Variants in KLF8 observed in about 807,000 individuals in gnomAD.
The protein encoded by KLF8 is Krueppel-like factor 8.
KLF8 carries 10 observed loss-of-function variants against 18.2 expected under a neutral mutation model. That is an observed-to-expected ratio of 0.55 (90% CI 0.34 to 0.93). The LOEUF (loss-of-function observed/expected upper bound fraction) is 0.93, where lower values mean the gene tolerates loss of function less well. Ranked by LOEUF, KLF8 falls within the 40% of genes least tolerant of loss-of-function variation. The probability of loss-of-function intolerance (pLI) is 0.02; values close to 1 mark genes in which losing one functional copy is unlikely to be tolerated. For synonymous variants in KLF8, 109 were observed against 97.3 expected, an observed-to-expected ratio of 1.12 and a Z score of -0.71; for missense variants, 264 against 277.9, an observed-to-expected ratio of 0.95 and a Z score of 0.36.
chrX:55,987,578 A>G, the KLF8 span, among the ~76,000 whole-genome samples: 54 of 111,859 alleles, frequency 4.8e-4, no homozygotes, highest in Middle Eastern at 9.2e-3. Context: ...TATGTGCCAC[A>G]TTTTCTTAAT....
chrX:55,938,996 A>G, the KLF8 span, among the ~76,000 whole-genome samples: 3 of 111,993 alleles, frequency 2.7e-5, no homozygotes, highest in Non-Finnish European at 5.6e-5. Flanking sequence ...GATGTCTAGG[A>G]AATGAACTCA....
the KLF8 span, among the ~76,000 whole-genome samples, chrX:56,213,889 G>C: frequency 9.0e-6 from 1 of 111,252 alleles, no homozygotes; most frequent in Admixed American, 9.5e-5. Flanking sequence ...TGGCATCCAG[G>C]AAAAATCAGG....
At chrX:56,048,804 G>A in the KLF8 span, among the ~76,000 whole-genome samples, 5 of 111,800 alleles carry the variant, frequency 4.5e-5, no homozygotes, top group Non-Finnish European at 9.4e-5. Flanking sequence ...ATTCTGTGAA[G>A]AAAGTCATTG....
the KLF8 span, among the ~76,000 whole-genome samples, chrX:56,039,042 C>T: frequency 9.0e-6 from 1 of 111,571 alleles, no homozygotes; most frequent in African/African-American, 3.3e-5. Flanking sequence ...GTTTATTGCC[C>T]ACTTTTTAAT....
the KLF8 span, among the ~76,000 whole-genome samples, chrX:55,979,980 G>T: frequency 8.9e-6 from 1 of 111,788 alleles, no homozygotes; most frequent in East Asian, 2.8e-4. Flanking sequence ...CACCAGAAAG[G>T]GCTATTTAGA....
chrX:56,079,650 T>C, the KLF8 span, among the ~76,000 whole-genome samples: 1 of 111,879 alleles, frequency 8.9e-6, no homozygotes. Flanking sequence ...TGTAGATGTC[T>C]ATTAGGTCCA....
In KLF8 at chrX:56,270,263, A is replaced by T. The variant is rs374987795; in HGVS notation, c.840A>T (p.Gly280=). The T allele has an allele frequency of 8.3e-7, 1 of 1,202,499 alleles. No homozygotes were observed. Among genetic ancestry groups the T allele is most frequent in the African/African-American group, 1.8e-5 (1 of 56,065 alleles). The change falls in exon 5 of 6, where the codon GGA becomes GGT. Residue 280 remains glycine, a synonymous_variant. Coordinates refer to ENST00000468660, the MANE Select transcript of KLF8 (RefSeq NM_007250.5). ...GGATTCACCAATGTGACTTTGCAGGATGCAGCAAAGTGTACACCAAAAGCT... is the reference window on the plus strand; with the variant it reads ...GGATTCACCAATGTGACTTTGCAGGTTGCAGCAAAGTGTACACCAAAAGCT... ...RRRIHQCDFA[G]CSKVYTKSSH...
intron 1 of KLF8, among the ~76,000 whole-genome samples, chrX:56,247,682 C>G (rs2066642595): frequency 9.1e-6 from 1 of 110,452 alleles, no homozygotes; most frequent in Non-Finnish European, 1.9e-5. Flanking sequence ...TCAGGATCAT[C>G]AATATCACTG....
At chrX:55,987,516 C>A in the KLF8 span, among the ~76,000 whole-genome samples, 1 of 111,574 alleles carries the variant, frequency 9.0e-6, no homozygotes, top group Non-Finnish European at 1.9e-5. Context: ...CATGTCCCTA[C>A]AAAGGACATG....
the KLF8 span, among the ~76,000 whole-genome samples, chrX:55,965,869 C>A: frequency 8.9e-6 from 1 of 111,858 alleles, no homozygotes; most frequent in Non-Finnish European, 1.9e-5. Flanking sequence ...AAAACACTGC[C>A]TATTTTGGAC....
At chrX:56,112,083 A>C in the KLF8 span, among the ~76,000 whole-genome samples, 1 of 111,954 alleles carries the variant, frequency 8.9e-6, no homozygotes, top group Non-Finnish European at 1.9e-5. Flanking sequence ...GAACCAACCC[A>C]AATGCCCATC....
the KLF8 span, among the ~76,000 whole-genome samples, chrX:56,138,946 G>A: frequency 9.9e-5 from 11 of 110,941 alleles, no homozygotes; most frequent in South Asian, 7.7e-4. Context: ...AAGCCCCTAC[G>A]TCTTATAAAC....
At chrX:56,080,503 T>C in the KLF8 span, among the ~76,000 whole-genome samples, 2 of 111,892 alleles carry the variant, frequency 1.8e-5, no homozygotes, top group Admixed American at 1.9e-4. Context: ...TTCTAGGGTT[T>C]CTGCAGAGAG....
At chrX:56,197,796 T>C in the KLF8 span, among the ~76,000 whole-genome samples, 1 of 111,412 alleles carries the variant, frequency 9.0e-6, no homozygotes, top group Non-Finnish European at 1.9e-5. Context: ...AAAAGAGAAT[T>C]TCAGACCCAT....
the KLF8 span, among the ~76,000 whole-genome samples, chrX:55,971,265 T>G: frequency 9.0e-6 from 1 of 110,946 alleles, no homozygotes; most frequent in African/African-American, 3.3e-5. Flanking sequence ...ATTAATGCAT[T>G]TACAGTGAAC....
chrX:55,924,188 G>A, the KLF8 span, among the ~76,000 whole-genome samples: 9 of 111,173 alleles, frequency 8.1e-5, no homozygotes, highest in Admixed American at 6.7e-4. Context: ...TCCTGCCTCA[G>A]CCTCCCGAGT....
In KLF8 at chrX:56,287,371, A is replaced by G. The variant is rs2067279640; in HGVS notation, c.*2877A>G. On this transcript the variant is annotated 3_prime_UTR_variant, in exon 6 of 6. Coordinates refer to ENST00000468660, the MANE Select transcript of KLF8 (RefSeq NM_007250.5). ...CAGTAATTCAAATATAGCACAGTAC[A>G]GAGTTTACCAAAAACACATAAAACT... The G allele has an allele frequency of 8.9e-6, 1 of 112,363 alleles. No individual in the cohort carries two copies. The highest frequency in any genetic ancestry group is 1.9e-5 in the Non-Finnish European group (1 of 53,334). 9.3% of individuals were successfully genotyped at this position (112,363 alleles called of 1,213,427 possible).
At chrX:56,192,666 C>CAA in the KLF8 span, among the ~76,000 whole-genome samples, 1 of 111,938 alleles carries the variant, frequency 8.9e-6, no homozygotes, top group Non-Finnish European at 1.9e-5. Context: ...TCCATATCTA[C>CAA]AGTGAAGTCA....
the KLF8 span, among the ~76,000 whole-genome samples, chrX:56,077,352 C>G: frequency 1.8e-5 from 2 of 112,011 alleles, no homozygotes; most frequent in Admixed American, 9.5e-5. Flanking sequence ...TTTCAGCTTT[C>G]TACATATGGC....
Sources: allele counts gnomAD v4.1 joint callset (sites outside exome capture counted in the v4.1 genomes callset), GRCh38; gene constraint gnomAD v4.1.1; transcripts MANE v1.5; gene names NCBI Gene and HGNC (gene_info 2026-07-23, HGNC 2026-07-21).